The following PLIN4 variants were observed in gnomAD, a reference collection of about 807,000 sequenced individuals.
PLIN4 encodes perilipin-4.
A neutral mutation model predicts 52.4 loss-of-function variants in PLIN4; 57 were observed. That is an observed-to-expected ratio of 1.09 (90% CI 0.88 to 1.36). PLIN4 has a LOEUF of 1.36. Ranked by LOEUF, PLIN4 falls within the 40% of genes most tolerant of loss-of-function variation. The pLI is 0.00. For synonymous variants in PLIN4, 826 were observed against 785.4 expected, an observed-to-expected ratio of 1.05 and a Z score of -0.86; for missense variants, 1,757 against 1,770.3, an observed-to-expected ratio of 0.99 and a Z score of 0.13.
rs1221737320 is a variant in PLIN4, at chr19:4,509,260, G to A, written c.3515-305C>T. Among the ~76,000 whole-genome samples, 6 of 118,768 alleles carry A rather than the reference G, an allele frequency of 5.1e-5. No individual in the cohort carries two copies. In the South Asian group the frequency reaches 9.4e-4, roughly 19 times the overall value. 77.9% of individuals were successfully genotyped at this position (118,768 alleles called of 152,430 possible). A position where few individuals can be genotyped will look rare whatever the true frequency, so the allele number is the denominator to read the frequency against. On this transcript the variant is annotated intron_variant, in intron 5 of 7. Coordinates refer to ENST00000301286, the MANE Select transcript of PLIN4 (RefSeq NM_001367868.2). ...CGGGAGGCGGAGCTTGCAGTGAGCC[G>A]AGATGGAGCCACTGCACTCCAGCCT... is the stretch of plus-strand genomic sequence containing the variant.
chr19:4,514,583 C>T (rs1002872787), intron 4 of PLIN4, among the ~76,000 whole-genome samples: 9 of 151,218 alleles, frequency 6.0e-5, no homozygotes, highest in Admixed American at 3.3e-4. Context: ...AAAAATTAGC[C>T]GGGTGTGGTG....
chr19:4,517,830 A>G (rs1976631418), intron 2 of PLIN4, 132 bp from the exon 3 acceptor site: 1 of 1,197,376 alleles, frequency 8.4e-7, no homozygotes. Context: ...AAAGTGTTTC[A>G]GCCACTCAGC....
Position 4,511,129 on chromosome 19 carries a change from C to T in PLIN4, c.2831G>A (p.Gly944Glu). 6.2e-7 allele frequency: 1 copy of T among 1,610,752 alleles called. No individual in the cohort carries two copies. Among genetic ancestry groups the T allele is most frequent in the African/African-American group, 1.3e-5 (1 of 74,962 alleles). ...GVTGAVNVAK[G>E]TVQTGVDTAK... is the part of the protein sequence containing the mutation. Reference sequence around the variant, plus strand: ...TGTGTCCACACCTGTCTGGACGGTCCCTTTGGCCACATTTACGGCACCAGT... The same window carrying T: ...TGTGTCCACACCTGTCTGGACGGTCTCTTTGGCCACATTTACGGCACCAGT... Residue 944 changes from glycine to glutamate, a missense_variant, in exon 5 of 8, where the codon GGG becomes GAG. Physicochemically the swap from Gly to Glu is moderately conservative, Grantham distance 98 (BLOSUM62 -2). Coordinates refer to ENST00000301286, the MANE Select transcript of PLIN4 (RefSeq NM_001367868.2).
rs1422353840 is a variant in PLIN4 at position 4,517,563 on chromosome 19, G to C, written c.187C>G (p.Gln63Glu). 1.4e-5 allele frequency: 23 copies of C among 1,609,356 alleles called. No homozygotes were observed. Among genetic ancestry groups the C allele is most frequent in the Non-Finnish European group, 2.0e-5 (23 of 1,178,568 alleles). Residue 63 changes from glutamine to glutamate, a missense_variant, in exon 3 of 8, where the codon CAG becomes GAG. This residue lies in a region of PLIN4 where 332 missense variants were observed against 310.8 expected (regional missense o/e 1.07). Coordinates refer to ENST00000301286, the MANE Select transcript of PLIN4 (RefSeq NM_001367868.2). ...TGGGCCAGCCACTCACCCTGAGCCT[G>C]TGGTTGGGCAGCCTCGGCAGCAGGC... ...GAPAAEAAQP[Q>E]AQVAAHPEQT...
chr19:4,504,905 C>T lies in PLIN4; in HGVS notation c.3745G>A (p.Asp1249Asn). 6.2e-7 allele frequency: 1 copy of T among 1,608,088 alleles called. No homozygotes were observed. The change falls in exon 7 of 8, where the codon GAC (aspartate) becomes AAC (asparagine). Residue 1249 changes from aspartate to asparagine, a missense_variant. Asp to Asn is a conservative substitution (Grantham distance 23, BLOSUM62 1). Transcript: ENST00000301286. ...QQAPEGQPRL[D>N]QGSGASAEDA... ...TCCGCACTGGCACCTGAGCCCTGGT[C>T]CAGACGTGGCTGCCCTTCTGGAGCC... is the stretch of plus-strand genomic sequence containing the variant.
At position 4,502,850 on chromosome 19, in the gene PLIN4, G is replaced by T. The variant is rs531909786; in HGVS notation, c.*1609C>A. On this transcript the variant is annotated 3_prime_UTR_variant, in exon 8 of 8. Coordinates refer to ENST00000301286, the MANE Select transcript of PLIN4 (RefSeq NM_001367868.2). ...TCTCGTGTTTGTCGTCCTGCCCAGCGTAGCCGAGTTGCCTCCGTCCCAGTA... is the reference window on the plus strand; with the variant it reads ...TCTCGTGTTTGTCGTCCTGCCCAGCTTAGCCGAGTTGCCTCCGTCCCAGTA... 1 of 152,488 alleles carries T rather than the reference G, an allele frequency of 6.6e-6. No homozygotes were observed. The highest frequency in any genetic ancestry group is 1.5e-5 in the Non-Finnish European group (1 of 68,216). The allele number at this position is 152,488 out of a possible 1,614,324, so 9.4% of individuals were successfully genotyped here.
At chr19:4,517,766 A>T in intron 2 of PLIN4, 68 bp from the exon 3 acceptor site, 1 of 1,518,366 alleles carries the variant, frequency 6.6e-7, no homozygotes, top group Non-Finnish European at 8.9e-7. Context: ...CAGAGGAAGC[A>T]TCGATTGATC....
In PLIN4 at chr19:4,508,826, T is replaced by A. The variant is rs1976180749; in HGVS notation, c.3644A>T (p.Gln1215Leu). 1 of 1,605,526 alleles carries A rather than the reference T, an allele frequency of 6.2e-7. No homozygotes were observed. Among genetic ancestry groups the A allele is most frequent in the African/African-American group, 1.3e-5 (1 of 74,738 alleles). Reference protein sequence around the residue: ...RAFEHAVSHLQHGQFQARDTL... With the variant: ...RAFEHAVSHLLHGQFQARDTL... ...GTCCCTGGCTTGGAACTGGCCGTGCTGCAGGTGGCTCACCGCGTGTTCAAA... is the reference window on the plus strand; with the variant it reads ...GTCCCTGGCTTGGAACTGGCCGTGCAGCAGGTGGCTCACCGCGTGTTCAAA... Residue 1215 changes from glutamine to leucine, a missense_variant, in exon 6 of 8, where the codon CAG (glutamine) becomes CTG (leucine). Physicochemically the swap from Gln to Leu is moderately radical, Grantham distance 113. This residue lies in a region of PLIN4 where 712 missense variants were observed against 637.1 expected (regional missense o/e 1.12). Transcript: ENST00000301286.
rs773534227 is a variant in PLIN4 at position 4,512,088 on chromosome 19, T to A, written c.1872A>T (p.Lys624Asn). The change falls in exon 5 of 8, where the codon AAA (lysine) becomes AAT (asparagine). Residue 624 changes from lysine (K) to asparagine (N), a missense_variant. Lys to Asn is a moderately conservative substitution (Grantham distance 94). Coordinates refer to ENST00000301286, the MANE Select transcript of PLIN4 (RefSeq NM_001367868.2). ...TGTCCTTGGTACCGGTTAGGACAGT[T>A]TTGGTGGTGTCCATGCCTGTCTGGA... ...GTVQTGMDTT[K>N]TVLTGTKDTI... The A allele has an allele frequency of 3.7e-5, 56 of 1,527,252 alleles. 1 individual carries two copies. The East Asian group carries it at 1.1e-3, about 31-fold the overall frequency. The allele number at this position is 1,527,252 out of a possible 1,614,324, so 94.6% of individuals were successfully genotyped here. A position where few individuals can be genotyped will look rare whatever the true frequency, so the allele number is the denominator to read the frequency against.
At chr19:4,508,185 C>T (rs574664835) in intron 6 of PLIN4, among the ~76,000 whole-genome samples, 5 of 152,134 alleles carry the variant, frequency 3.3e-5, no homozygotes, top group Non-Finnish European at 7.4e-5. Context: ...AGGACAGGGC[C>T]CAGAGGGACG....
At chr19:4,505,880 C>T (rs1976077559) in intron 6 of PLIN4, among the ~76,000 whole-genome samples, 1 of 152,136 alleles carries the variant, frequency 6.6e-6, no homozygotes, top group African/African-American at 2.4e-5. Flanking sequence ...CCCGCCCGGC[C>T]TCCCCTCAGC....
intron 4 of PLIN4, among the ~76,000 whole-genome samples, chr19:4,514,600 G>A (rs1423920327): frequency 2.6e-5 from 4 of 151,604 alleles, no homozygotes; most frequent in Non-Finnish European, 4.4e-5. Flanking sequence ...GGTGGTGGGC[G>A]CCTGTAGTCC....
intron 4 of PLIN4, 30 bp from the exon 5 acceptor site, chr19:4,513,731 A>G (rs1393345416): frequency 5.2e-6 from 8 of 1,543,016 alleles, no homozygotes; most frequent in South Asian, 1.3e-5. Context: ...GTGGATCAAG[A>G]GAAGGACTGA....
rs1975938289 is a variant in PLIN4 at position 4,502,323 on chromosome 19, A to C, written c.*2136T>G. 2.3e-6 allele frequency: 1 copy of C among 430,184 alleles called. No individual in the cohort carries two copies. The highest frequency in any genetic ancestry group is 2.1e-5 in the African/African-American group (1 of 48,322). The allele number at this position is 430,184 out of a possible 1,614,324, so 26.6% of individuals were successfully genotyped here. A position where few individuals can be genotyped will look rare whatever the true frequency, so the allele number is the denominator to read the frequency against. On this transcript the variant is annotated 3_prime_UTR_variant, in exon 8 of 8. Coordinates refer to ENST00000301286, the MANE Select transcript of PLIN4 (RefSeq NM_001367868.2). ...TGGGACTGGGTTGAGCCATCAGGCCACCGTGAGAAGCGACTAAAAGGCACT... is the reference window on the plus strand; with the variant it reads ...TGGGACTGGGTTGAGCCATCAGGCCCCCGTGAGAAGCGACTAAAAGGCACT...
In PLIN4 at chr19:4,512,828, CG is replaced by C. The variant is rs1568234787; in HGVS notation, c.1131del (p.Val378Ter). ...KNTVCSGVTG[A>X]VNLAKEAIQG... ...TGGATGGCCTCTTTGGCCAAGTTCA[CG>C]GCACCGGTCACCCCACTGCAGACAG... On this transcript the variant is annotated frameshift_variant, in exon 5 of 8. Coordinates refer to ENST00000301286, the MANE Select transcript of PLIN4 (RefSeq NM_001367868.2). LOFTEE classifies it high-confidence loss of function. 6.4e-7 allele frequency: 1 copy of C among 1,562,524 alleles called. No homozygotes were observed. Among genetic ancestry groups the C allele is most frequent in the Non-Finnish European group, 8.6e-7 (1 of 1,161,288 alleles).
rs369039752 is a variant in PLIN4 at position 4,517,578 on chromosome 19, C to T, written c.172G>A (p.Glu58Lys). 15 of 1,610,034 alleles carry T rather than the reference C, an allele frequency of 9.3e-6. No individual in the cohort carries two copies. The highest frequency in any genetic ancestry group is 1.8e-4 in the Middle Eastern group (1 of 5,482). The change falls in exon 3 of 8, where the codon GAG becomes AAG. Residue 58 changes from glutamate to lysine, a missense_variant. Physicochemically the swap from Glu to Lys is moderately conservative, Grantham distance 56. Around this residue, in one of 7 missense-constraint regions of PLIN4, gnomAD observed 332 missense variants for 310.8 expected, o/e 1.07. Transcript: ENST00000301286. Reference sequence around the variant, plus strand: ...CCCTGAGCCTGTGGTTGGGCAGCCTCGGCAGCAGGCGCTCCTGTGGGGTCA... The same window carrying T: ...CCCTGAGCCTGTGGTTGGGCAGCCTTGGCAGCAGGCGCTCCTGTGGGGTCA... ...AADPTGAPAA[E>K]AAQPQAQVAA...
chr19:4,512,499 G>A lies in PLIN4; in HGVS notation c.1461C>T (p.Gly487=). The A allele has an allele frequency of 6.2e-7, 1 of 1,604,994 alleles. No individual in the cohort carries two copies. Among genetic ancestry groups the A allele is most frequent in the Non-Finnish European group, 8.5e-7 (1 of 1,175,472 alleles). ...ANVAKGAVQG[G]LDTTKSVLTG... is the part of the protein sequence containing the mutation. ...TCAGGACAGACTTTGTAGTGTCCAG[G>A]CCGCCCTGGACGGCCCCTTTGGCCA... Residue 487 remains glycine (G), a synonymous_variant, in exon 5 of 8, where the codon GGC becomes GGT. Transcript: ENST00000301286.
chr19:4,507,169 TTGA>T (rs1174931125), intron 6 of PLIN4, among the ~76,000 whole-genome samples: 1 of 152,226 alleles, frequency 6.6e-6, no homozygotes, highest in East Asian at 1.9e-4. Flanking sequence ...ACCCCGGATG[TTGA>T]TGGAAAACAC....
At chr19:4,517,929 T>C (rs367804275) in intron 2 of PLIN4, among the ~76,000 whole-genome samples, 98 of 152,312 alleles carry the variant, frequency 6.4e-4, no homozygotes, top group African/African-American at 2.2e-3. Context: ...CAAAGACCTT[T>C]TCCTTCCAGG....
Sources: gnomAD v4.1 joint callset for allele counts (sites outside exome capture counted in the v4.1 genomes callset) on GRCh38, gnomAD v4.1.1 for gene constraint, gnomAD v4.1.1 regional missense constraint, MANE v1.5 for transcripts, NCBI Gene and HGNC (gene_info 2026-07-23, HGNC 2026-07-21) for gene names.